YIPF4: variants seen among roughly 807,000 people sequenced by gnomAD.
YIPF4 encodes protein YIPF4.
YIPF4 carries 18 observed loss-of-function variants against 29.4 expected under a neutral mutation model. The observed-to-expected ratio is 0.61, with a 90% CI of 0.42 to 0.91. YIPF4 has a LOEUF of 0.91. YIPF4 is among the 40% of genes least tolerant of loss of function. The probability of loss-of-function intolerance (pLI) is 0.00; values close to 1 mark genes in which losing one functional copy is unlikely to be tolerated. For missense variants in YIPF4, 279 were observed against 282.7 expected (o/e 0.99, Z 0.09); for synonymous variants, 115 against 104.7 (o/e 1.10, Z -0.60).
rs1487839963 is a variant in YIPF4, at chr2:32,309,129, C to A, written c.*3503C>A. Reference sequence around the variant, plus strand: ...GTAAAGCTTATGAACCATTGTAAAACCTTATTTCTAAGGTCTGTAAGACAG... The same window carrying A: ...GTAAAGCTTATGAACCATTGTAAAAACTTATTTCTAAGGTCTGTAAGACAG... On this transcript the variant is annotated 3_prime_UTR_variant, in exon 6 of 6. Transcript: ENST00000238831. 6.6e-6 allele frequency: 1 copy of A among 151,780 alleles called. No individual in the cohort carries two copies. Among genetic ancestry groups the A allele is most frequent in the Non-Finnish European group, 1.5e-5 (1 of 67,976 alleles). The allele number at this position is 151,780 out of a possible 1,614,324, so 9.4% of individuals were successfully genotyped here.
At chr2:32,292,082 A>G in intron 2 of YIPF4, 95 bp from the exon 3 acceptor site, 1 of 796,596 alleles carries the variant, frequency 1.3e-6, no homozygotes, top group Non-Finnish European at 1.8e-6. Context: ...TGGAGATTAT[A>G]ACTGTCTTAT....
chr2:32,287,317 G>C (rs934427501), intron 1 of YIPF4, among the ~76,000 whole-genome samples: 6 of 152,042 alleles, frequency 3.9e-5, no homozygotes, highest in Non-Finnish European at 7.4e-5. Context: ...AAAAACATAT[G>C]CTTGTTTTTG....
intron 1 of YIPF4, among the ~76,000 whole-genome samples, chr2:32,280,723 C>T (rs1227880365): frequency 6.6e-6 from 1 of 151,818 alleles, no homozygotes; most frequent in Non-Finnish European, 1.5e-5. Context: ...GTTGCCTAGG[C>T]TTGTCTCAGA....
rs1477617331 is a variant in YIPF4, at chr2:32,313,542, G to A, written c.*7916G>A. 1 of 151,394 alleles carries A rather than the reference G, an allele frequency of 6.6e-6. No individual in the cohort carries two copies. The highest frequency in any genetic ancestry group is 1.5e-5 in the Non-Finnish European group (1 of 67,878). 9.4% of individuals were successfully genotyped at this position (151,394 alleles called of 1,614,324 possible). A position where few individuals can be genotyped will look rare whatever the true frequency, so the allele number is the denominator to read the frequency against. ...ATCACCACACCCGGCTAATTTTTTT[G>A]TTTTTAGTAAAGACGGTTTCTCCAT... On this transcript the variant is annotated 3_prime_UTR_variant, in exon 6 of 6. Transcript: ENST00000238831.
intron 5 of YIPF4, among the ~76,000 whole-genome samples, chr2:32,302,975 G>C (rs897878006): frequency 2.0e-5 from 3 of 152,172 alleles, no homozygotes; most frequent in Admixed American, 6.5e-5. Flanking sequence ...CTTACTTGCT[G>C]TCTGGTCTTC....
Position 32,298,047 on chromosome 2 carries a change from G to A in YIPF4, c.406-187G>A, listed in dbSNP as rs998370506. Among the ~76,000 whole-genome samples, 5 of 152,068 alleles carry A rather than the reference G, an allele frequency of 3.3e-5. No homozygotes were observed. In the East Asian group the frequency reaches 9.6e-4, roughly 29 times the overall value. On this transcript the variant is annotated intron_variant, in intron 3 of 5. Transcript: ENST00000238831. ...TGATAATTGCTAAGATTTTAATTTG[G>A]ATGTAAAATTGTATTACACATTGTA...
intron 4 of YIPF4, among the ~76,000 whole-genome samples, chr2:32,299,785 C>T (rs752980871): frequency 2.6e-5 from 4 of 152,022 alleles, no homozygotes; most frequent in Admixed American, 1.3e-4. Flanking sequence ...GCACTGTAGC[C>T]TGGCCGACGG....
At chr2:32,303,693 C>T (rs531214863) in intron 5 of YIPF4, among the ~76,000 whole-genome samples, 13 of 152,096 alleles carry the variant, frequency 8.5e-5, no homozygotes, top group Admixed American at 6.6e-5. Context: ...CAATAAAAAC[C>T]CAAATTGTAA....
chr2:32,280,151 G>A (rs1267947948), intron 1 of YIPF4, among the ~76,000 whole-genome samples: 9 of 148,920 alleles, frequency 6.0e-5, no homozygotes, highest in African/African-American at 9.9e-5. Flanking sequence ...TTTTTGAGGC[G>A]GAGTCTCACT....
chr2:32,279,457 A>T (rs1232946486), intron 1 of YIPF4, among the ~76,000 whole-genome samples: 1 of 111,528 alleles, frequency 9.0e-6, no homozygotes, highest in Admixed American at 1.2e-4. Flanking sequence ...GAGTGCAGTG[A>T]TGCCATCTCG....
chr2:32,279,840 A>G (rs967435980), intron 1 of YIPF4, among the ~76,000 whole-genome samples: 9 of 150,940 alleles, frequency 6.0e-5, no homozygotes, highest in Non-Finnish European at 1.0e-4. Context: ...AATGTACAAT[A>G]AAATTTTTGT....
chr2:32,303,361 G>T (rs1440304072), intron 5 of YIPF4, among the ~76,000 whole-genome samples: 1 of 152,096 alleles, frequency 6.6e-6, no homozygotes, highest in Non-Finnish European at 1.5e-5. Context: ...CCCTGTCTCT[G>T]CCTAGTACAG....
At position 32,311,655 on chromosome 2, in the gene YIPF4, G is replaced by A. The variant is rs1046563936; in HGVS notation, c.*6029G>A. 3.3e-5 allele frequency: 5 copies of A among 152,072 alleles called. No individual in the cohort carries two copies. Among genetic ancestry groups the A allele is most frequent in the Admixed American group, 6.5e-5 (1 of 15,284 alleles). 9.4% of individuals were successfully genotyped at this position (152,072 alleles called of 1,614,324 possible). A position where few individuals can be genotyped will look rare whatever the true frequency, so the allele number is the denominator to read the frequency against. On this transcript the variant is annotated 3_prime_UTR_variant, in exon 6 of 6. Coordinates refer to ENST00000238831, the MANE Select transcript of YIPF4 (RefSeq NM_032312.4). ...GTATATACAAGTTGTTAATACTTAC[G>A]AAAAAAGGAAGCATTCCCACCTGTA...
chr2:32,301,289 T>C (rs1460152260), intron 4 of YIPF4, 93 bp from the exon 5 acceptor site: 3 of 751,238 alleles, frequency 4.0e-6, no homozygotes, highest in Admixed American at 2.5e-5. Flanking sequence ...TCACATTTAT[T>C]TGAATACAGC....
chr2:32,312,289 C>A lies in YIPF4; in HGVS notation c.*6663C>A, dbSNP rs2031729012. Reference sequence around the variant, plus strand: ...GGACCACGAGGTCAGGAGATCGAGACCATCCTGGCTAACACGGTGAAACCC... The same window carrying A: ...GGACCACGAGGTCAGGAGATCGAGAACATCCTGGCTAACACGGTGAAACCC... On this transcript the variant is annotated 3_prime_UTR_variant, in exon 6 of 6. Coordinates refer to ENST00000238831, the MANE Select transcript of YIPF4 (RefSeq NM_032312.4). 1 of 151,380 alleles carries A rather than the reference C, an allele frequency of 6.6e-6. No homozygotes were observed. Among genetic ancestry groups the A allele is most frequent in the Non-Finnish European group, 1.5e-5 (1 of 67,910 alleles). 9.4% of individuals were successfully genotyped at this position (151,380 alleles called of 1,614,324 possible).
At chr2:32,295,107 G>T (rs527915444) in intron 3 of YIPF4, among the ~76,000 whole-genome samples, 40 of 152,228 alleles carry the variant, frequency 2.6e-4, no homozygotes, top group Admixed American at 9.8e-4. Flanking sequence ...TCATAATTCT[G>T]TTCTTAAAAT....
Position 32,307,403 on chromosome 2 carries a change from T to G in YIPF4, c.*1777T>G, listed in dbSNP as rs1248358781. On this transcript the variant is annotated 3_prime_UTR_variant, in exon 6 of 6. Transcript: ENST00000238831. Reference sequence around the variant, plus strand: ...TGGTTTAATTTTTAAAAACTATCATTGCTTTAAGGTATGAATTTTAAAAAT... The same window carrying G: ...TGGTTTAATTTTTAAAAACTATCATGGCTTTAAGGTATGAATTTTAAAAAT... The G allele has an allele frequency of 5.7e-6, 1 of 176,962 alleles. No homozygotes were observed. Among genetic ancestry groups the G allele is most frequent in the African/African-American group, 2.4e-5 (1 of 41,574 alleles). 11.0% of individuals were successfully genotyped at this position (176,962 alleles called of 1,614,324 possible). A position where few individuals can be genotyped will look rare whatever the true frequency, so the allele number is the denominator to read the frequency against.
Position 32,306,448 on chromosome 2 carries a change from A to G in YIPF4, c.*822A>G. On this transcript the variant is annotated 3_prime_UTR_variant, in exon 6 of 6. Transcript: ENST00000238831. Reference sequence around the variant, plus strand: ...TATGTACAAAAACAGTAATATTTACAGCATCAGTAAATATTTTTAAGTGGT... The same window carrying G: ...TATGTACAAAAACAGTAATATTTACGGCATCAGTAAATATTTTTAAGTGGT... 1.0e-6 allele frequency: 1 copy of G among 982,274 alleles called. No individual in the cohort carries two copies. Among genetic ancestry groups the G allele is most frequent in the Non-Finnish European group, 1.2e-6 (1 of 826,712 alleles). 60.8% of individuals were successfully genotyped at this position (982,274 alleles called of 1,614,324 possible).
chr2:32,298,413 A>G, intron 4 of YIPF4, 102 bp downstream of exon 4: 2 of 832,088 alleles, frequency 2.4e-6, no homozygotes, highest in East Asian at 2.6e-5. Context: ...TTCTTGTCCC[A>G]GAATTGCTTT....
Sources: allele counts gnomAD v4.1 joint callset (sites outside exome capture counted in the v4.1 genomes callset), GRCh38; gene constraint gnomAD v4.1.1; transcripts MANE v1.5; gene names NCBI Gene and HGNC (gene_info 2026-07-23, HGNC 2026-07-21).